The following RABGAP1L variants were observed in gnomAD, a reference collection of about 807,000 sequenced individuals.
The protein encoded by RABGAP1L is rab GTPase-activating protein 1-like.
In RABGAP1L, 63 loss-of-function variants were observed where a neutral mutation model predicts 137.7. The ratio of observed to expected loss-of-function variants is 0.46; its 90% confidence interval spans 0.37 to 0.56. The LOEUF (loss-of-function observed/expected upper bound fraction) is 0.56. Among genes scored for constraint, RABGAP1L ranks in the 20% least tolerant of loss-of-function variants. The pLI is 0.00. For missense variants in RABGAP1L, 1,095 were observed against 1,244.0 expected (o/e 0.88, Z 1.80); for synonymous variants, 431 against 433.7 (o/e 0.99, Z 0.08).
At chr1:174,757,210 T>C (rs979651245) in intron 18 of RABGAP1L, 3 of 256,760 alleles carry the variant, frequency 1.2e-5, no homozygotes, top group East Asian at 1.2e-4. Flanking sequence ...CACTAGAACT[T>C]TCCCCTGTAC....
At chr1:174,802,478 G>A (rs1430591358) in intron 18 of RABGAP1L, among the ~76,000 whole-genome samples, 3 of 152,116 alleles carry the variant, frequency 2.0e-5, no homozygotes, top group Non-Finnish European at 2.9e-5. Context: ...GTGGTGGCAC[G>A]TGCCTTTAAT....
rs539596495 is a variant in RABGAP1L at position 174,893,395 on chromosome 1, T to TTAAAA, written c.2341-64044_2341-64040dup. ...ATTTTCTCTTTGGACTTTTATGCCT[T>TTAAAA]TAAAATAAAATAAAATAAAATAGAA... On this transcript the variant is annotated intron_variant, in intron 19 of 25. Transcript: ENST00000681986. Among the ~76,000 whole-genome samples, 14 of 152,224 alleles carry TTAAAA rather than the reference T, an allele frequency of 9.2e-5. No individual in the cohort carries two copies. The South Asian group carries it at 1.2e-3, about 14-fold the overall frequency.
At chr1:174,701,722 G>A (rs1033262602) in intron 16 of RABGAP1L, among the ~76,000 whole-genome samples, 1 of 142,936 alleles carries the variant, frequency 7.0e-6, no homozygotes, top group Admixed American at 7.3e-5. Context: ...CAGCCTGGAT[G>A]ACAGAGCAAG....
chr1:174,662,406 G>GTTGTTTGTTTGT (rs556333223), intron 14 of RABGAP1L, among the ~76,000 whole-genome samples: 4 of 150,014 alleles, frequency 2.7e-5, no homozygotes, highest in African/African-American at 9.8e-5. Flanking sequence ...GCCTGGCCTG[G>GTTGTTTGTTTGT]TTGTTTGTTT....
At chr1:174,728,233 A>G (rs763022702) in intron 17 of RABGAP1L, among the ~76,000 whole-genome samples, 8 of 152,344 alleles carry the variant, frequency 5.3e-5, no homozygotes, top group Middle Eastern at 6.8e-3. Context: ...TTTTTACAGC[A>G]TTAAAAAATG....
chr1:174,705,061 T>C (rs555298919), intron 17 of RABGAP1L: 1 of 152,300 alleles, frequency 6.6e-6, no homozygotes, highest in South Asian at 2.1e-4. Flanking sequence ...TGCAAATATT[T>C]GTTATTGCTT....
chr1:174,414,400 T>C (rs1394858013), intron 13 of RABGAP1L, among the ~76,000 whole-genome samples: 2 of 152,116 alleles, frequency 1.3e-5, no homozygotes, highest in Non-Finnish European at 2.9e-5. Flanking sequence ...TTAGTCTGCT[T>C]TTCGGTTGTA....
intron 13 of RABGAP1L, among the ~76,000 whole-genome samples, chr1:174,413,847 T>A (rs1215851825): frequency 6.6e-6 from 1 of 152,112 alleles, no homozygotes; most frequent in Non-Finnish European, 1.5e-5. Context: ...GATTCTTGTT[T>A]ATTTTCGGAA....
chr1:174,849,049 G>T (rs1162362855), intron 19 of RABGAP1L, among the ~76,000 whole-genome samples: 1 of 152,180 alleles, frequency 6.6e-6, no homozygotes, highest in Non-Finnish European at 1.5e-5. Context: ...GACCCCTTGC[G>T]CTTCCCAGGT....
chr1:174,928,932 T>C (rs545508482), intron 19 of RABGAP1L, among the ~76,000 whole-genome samples: 1 of 152,236 alleles, frequency 6.6e-6, no homozygotes, highest in Non-Finnish European at 1.5e-5. Context: ...TTCCTAATTG[T>C]CTTGTCATGT....
At chr1:174,455,977 C>T (rs1316947009) in intron 13 of RABGAP1L, among the ~76,000 whole-genome samples, 1 of 151,948 alleles carries the variant, frequency 6.6e-6, no homozygotes, top group East Asian at 1.9e-4. Context: ...TGATAAAGTT[C>T]TTGAATAATG....
chr1:174,687,272 AG>A (rs2148489767), intron 15 of RABGAP1L, among the ~76,000 whole-genome samples: 1 of 152,304 alleles, frequency 6.6e-6, no homozygotes, highest in Admixed American at 6.5e-5. Flanking sequence ...CCAACAAGAT[AG>A]CTTCCAGTGT....
chr1:174,351,743 T>C (rs1286400971), intron 11 of RABGAP1L, among the ~76,000 whole-genome samples: 1 of 152,144 alleles, frequency 6.6e-6, no homozygotes, highest in Admixed American at 6.5e-5. Flanking sequence ...CTTTTTATAC[T>C]TGAATATTTT....
At chr1:174,862,734 G>A (rs954669401) in intron 19 of RABGAP1L, among the ~76,000 whole-genome samples, 1 of 151,804 alleles carries the variant, frequency 6.6e-6, no homozygotes, top group African/African-American at 2.4e-5. Flanking sequence ...GGAAGAGGAC[G>A]TTGCTTAGCA....
At chr1:174,432,788 G>A (rs373038309) in intron 13 of RABGAP1L, among the ~76,000 whole-genome samples, 2 of 152,030 alleles carry the variant, frequency 1.3e-5, no homozygotes, top group East Asian at 1.9e-4. Flanking sequence ...CACCTGCCTC[G>A]GCCTCTGAAA....
chr1:174,981,307 A>G (rs1296526246), intron 23 of RABGAP1L, among the ~76,000 whole-genome samples: 3 of 152,162 alleles, frequency 2.0e-5, no homozygotes, highest in Non-Finnish European at 4.4e-5. Flanking sequence ...AGAATCTACC[A>G]TGGTGATCTC....
In RABGAP1L at chr1:174,327,982, C is replaced by CATATATATATATATACATATATATATAT. The variant is rs1558136090; in HGVS notation, c.1465+22856_1465+22857insTATATATATATATACATATATATATATA. ...ATATATATATATATATATATATACA[C>CATATATATATATATACATATATATATAT]ACACATATATATATATATATATATA... On this transcript the variant is annotated intron_variant, in intron 11 of 25. Coordinates refer to ENST00000681986, the MANE Select transcript of RABGAP1L (RefSeq NM_001366446.1). Among the ~76,000 whole-genome samples, 19 of 24,746 alleles carry CATATATATATATATACATATATATATAT rather than the reference C, an allele frequency of 7.7e-4. 1 individual carries two copies. Among genetic ancestry groups the CATATATATATATATACATATATATATAT allele is most frequent in the African/African-American group, 2.7e-3 (18 of 6,652 alleles). The allele number at this position is 24,746 out of a possible 152,430, so 16.2% of individuals were successfully genotyped here.
intron 7 of RABGAP1L, among the ~76,000 whole-genome samples, chr1:174,261,862 T>C (rs1450065949): frequency 6.6e-6 from 1 of 152,226 alleles, no homozygotes; most frequent in African/African-American, 2.4e-5. Flanking sequence ...TTATGAACTT[T>C]TACAGCAAAA....
intron 20 of RABGAP1L, among the ~76,000 whole-genome samples, chr1:174,962,841 T>A: frequency 6.6e-6 from 1 of 152,138 alleles, no homozygotes; most frequent in Non-Finnish European, 1.5e-5. Context: ...CTCACACCTG[T>A]AATCCCAGCA....
Sources: gnomAD v4.1 joint callset for allele counts (sites outside exome capture counted in the v4.1 genomes callset) on GRCh38, gnomAD v4.1.1 for gene constraint, MANE v1.5 for transcripts, NCBI Gene and HGNC (gene_info 2026-07-23, HGNC 2026-07-21) for gene names.